Variants in SYT1 observed in about 807,000 individuals in gnomAD.
The protein encoded by SYT1 is synaptotagmin 1.
In SYT1, 8 loss-of-function variants were observed where a neutral mutation model predicts 44.8. That is an observed-to-expected ratio of 0.18 (90% CI 0.10 to 0.32). The LOEUF (loss-of-function observed/expected upper bound fraction) is 0.32. Among genes scored for constraint, SYT1 ranks in the 10% least tolerant of loss-of-function variants. The pLI, the probability that SYT1 is intolerant of heterozygous loss-of-function variation, is 1.00. For synonymous variants in SYT1, 154 were observed against 188.8 expected, an observed-to-expected ratio of 0.82 and a Z score of 1.51; for missense variants, 286 against 509.3, an observed-to-expected ratio of 0.56 and a Z score of 4.22.
chr12:79,448,903 C>A lies in SYT1; in HGVS notation c.1063-15C>A. On this transcript the variant is annotated splice_polypyrimidine_tract_variant and intron_variant, in intron 10 of 10. Coordinates refer to ENST00000261205, the MANE Select transcript of SYT1 (RefSeq NM_005639.3). ...AGAGCTAGATGATTCATATTCATTT[C>A]ATGGCTTCTTTCAGAAAGTGCAGGT... 1 of 1,613,260 alleles carries A rather than the reference C, an allele frequency of 6.2e-7. No homozygotes were observed. The highest frequency in any genetic ancestry group is 8.5e-7 in the Non-Finnish European group (1 of 1,179,338).
At chr12:78,967,916 A>G (rs1377245302) in intron 1 of SYT1, among the ~76,000 whole-genome samples, 1 of 152,152 alleles carries the variant, frequency 6.6e-6, no homozygotes, top group Non-Finnish European at 1.5e-5. Flanking sequence ...CAAAATTTTG[A>G]AACAAAGAGT....
intron 4 of SYT1, among the ~76,000 whole-genome samples, chr12:79,246,627 C>A (rs1480766680): frequency 6.6e-6 from 1 of 152,142 alleles, no homozygotes; most frequent in African/African-American, 2.4e-5. Context: ...AGCAAAGGGG[C>A]AAATACTGTG....
At chr12:79,230,592 A>G (rs1319521938) in intron 4 of SYT1, among the ~76,000 whole-genome samples, 1 of 152,194 alleles carries the variant, frequency 6.6e-6, no homozygotes, top group East Asian at 1.9e-4. Flanking sequence ...GACTCTATCA[A>G]CATTCTCTAT....
intron 1 of SYT1, among the ~76,000 whole-genome samples, chr12:78,966,076 C>CAA (rs1355976130): frequency 8.9e-4 from 72 of 80,534 alleles, no homozygotes; most frequent in South Asian, 3.4e-3. Context: ...GACTCTGTCT[C>CAA]AAAAAAAAAA....
intron 10 of SYT1, among the ~76,000 whole-genome samples, chr12:79,448,200 G>A (rs555047524): frequency 1.1e-3 from 160 of 152,180 alleles, no homozygotes; most frequent in African/African-American, 3.3e-3. Flanking sequence ...AATAAATCCC[G>A]TGTAGCCTAA....
intron 4 of SYT1, among the ~76,000 whole-genome samples, chr12:79,231,654 C>T (rs913482872): frequency 6.6e-6 from 1 of 151,774 alleles, no homozygotes; most frequent in Non-Finnish European, 1.5e-5. Context: ...TTGTTCAATG[C>T]CTTGAAGGTA....
At chr12:79,321,343 T>C (rs1250054923) in intron 8 of SYT1, among the ~76,000 whole-genome samples, 1 of 152,168 alleles carries the variant, frequency 6.6e-6, no homozygotes, top group East Asian at 1.9e-4. Context: ...GTTCAGGAAA[T>C]GTTCAAGAAA....
At chr12:79,415,336 GC>G (rs2136142765) in intron 9 of SYT1, among the ~76,000 whole-genome samples, 1 of 152,220 alleles carries the variant, frequency 6.6e-6, no homozygotes, top group East Asian at 1.9e-4. Context: ...TCATGTAACT[GC>G]TGTAGTGATA....
intron 2 of SYT1, among the ~76,000 whole-genome samples, chr12:78,998,569 T>A (rs1870527752): frequency 6.6e-6 from 1 of 152,188 alleles, no homozygotes; most frequent in African/African-American, 2.4e-5. Context: ...TAAAGCAGTA[T>A]CTAAACAACG....
intron 2 of SYT1, among the ~76,000 whole-genome samples, chr12:78,997,675 T>C (rs559901366): frequency 2.3e-4 from 35 of 152,128 alleles, no homozygotes; most frequent in Admixed American, 1.0e-3. Flanking sequence ...TTTTTTTTTT[T>C]TCTTTTTTTG....
intron 8 of SYT1, 80 bp downstream of exon 8, chr12:79,299,631 C>A (rs1880037648): frequency 6.6e-7 from 1 of 1,521,828 alleles, no homozygotes; most frequent in Non-Finnish European, 8.8e-7. Context: ...TTGAGAAATA[C>A]TCTTTACAAA....
intron 2 of SYT1, among the ~76,000 whole-genome samples, chr12:78,998,973 G>A (rs78879566): frequency 0.013 from 2,029 of 152,164 alleles, 52 homozygotes; most frequent in African/African-American, 0.047. Flanking sequence ...TCAAGGGATG[G>A]GTGAAATAAA....
At chr12:78,920,613 A>G (rs1876929994) in intron 1 of SYT1, among the ~76,000 whole-genome samples, 1 of 151,988 alleles carries the variant, frequency 6.6e-6, no homozygotes, top group Non-Finnish European at 1.5e-5. Flanking sequence ...ATGCTTACAT[A>G]ACCACATTGA....
chr12:79,163,640 T>A (rs1306378943), intron 3 of SYT1, among the ~76,000 whole-genome samples: 1 of 152,096 alleles, frequency 6.6e-6, no homozygotes, highest in Non-Finnish European at 1.5e-5. Context: ...AACTCTGCTC[T>A]TTCTATTGCC....
At chr12:79,218,064 G>A (rs1175036593) in intron 4 of SYT1, among the ~76,000 whole-genome samples, 1 of 151,776 alleles carries the variant, frequency 6.6e-6, no homozygotes, top group African/African-American at 2.4e-5. Flanking sequence ...AATAGCTAAG[G>A]TTTGCTTTCC....
chr12:79,123,972 T>C (rs924925208), intron 3 of SYT1, among the ~76,000 whole-genome samples: 2 of 152,336 alleles, frequency 1.3e-5, no homozygotes, highest in East Asian at 3.9e-4. Context: ...GTTATTGCTC[T>C]TGTGTTTTTG....
At chr12:78,876,141 A>G (rs1874056452) in intron 1 of SYT1, among the ~76,000 whole-genome samples, 1 of 151,698 alleles carries the variant, frequency 6.6e-6, no homozygotes, top group Admixed American at 6.6e-5. Context: ...AGAAAACATA[A>G]TGAAACAAAT....
intron 9 of SYT1, among the ~76,000 whole-genome samples, chr12:79,355,306 G>A (rs1340559003): frequency 1.3e-5 from 2 of 152,136 alleles, no homozygotes; most frequent in Non-Finnish European, 2.9e-5. Context: ...TACCTGCAAT[G>A]CACTAACTAA....
chr12:79,434,519 T>C (rs1869978203), intron 9 of SYT1, among the ~76,000 whole-genome samples: 1 of 152,240 alleles, frequency 6.6e-6, no homozygotes, highest in Non-Finnish European at 1.5e-5. Context: ...GTGAGCCCTA[T>C]TAATACTTAA....
Sources: allele counts gnomAD v4.1 joint callset (sites outside exome capture counted in the v4.1 genomes callset), GRCh38; gene constraint gnomAD v4.1.1; transcripts MANE v1.5; gene names NCBI Gene and HGNC (gene_info 2026-07-23, HGNC 2026-07-21).